ITGB5: variants seen among roughly 807,000 people sequenced by gnomAD.
ITGB5 encodes integrin beta-5.
ITGB5 carries 38 observed loss-of-function variants against 84.8 expected under a neutral mutation model. The observed-to-expected ratio is 0.45, with a 90% CI of 0.35 to 0.59. The LOEUF is 0.59. ITGB5 is among the 20% of genes least tolerant of loss of function. ITGB5 has a pLI of 0.01. For synonymous variants in ITGB5, 393 were observed against 414.4 expected, an observed-to-expected ratio of 0.95 and a Z score of 0.63; for missense variants, 905 against 1,034.5, an observed-to-expected ratio of 0.87 and a Z score of 1.72.
At chr3:124,785,151 C>T (rs1310274019) in intron 10 of ITGB5, among the ~76,000 whole-genome samples, 2 of 152,166 alleles carry the variant, frequency 1.3e-5, no homozygotes, top group Non-Finnish European at 2.9e-5. Flanking sequence ...GGGAGTGTGG[C>T]CTACATGCCA....
intron 1 of ITGB5, among the ~76,000 whole-genome samples, chr3:124,879,474 A>G (rs965019601): frequency 4.6e-5 from 7 of 152,254 alleles, no homozygotes; most frequent in African/African-American, 1.2e-4. Context: ...TATAGACTCC[A>G]GCAACTAAAT....
At chr3:124,868,618 CAAAAAAAAA>C (rs67873873) in intron 2 of ITGB5, among the ~76,000 whole-genome samples, 2 of 68,146 alleles carry the variant, frequency 2.9e-5, no homozygotes, top group African/African-American at 1.2e-4. Flanking sequence ...TGTTCTCTAC[CAAAAAAAAA>C]AAAAAAAAAA....
chr3:124,844,385 C>T (rs906455490), intron 4 of ITGB5, among the ~76,000 whole-genome samples: 14 of 151,984 alleles, frequency 9.2e-5, no homozygotes, highest in Non-Finnish European at 1.8e-4. Flanking sequence ...CGTGGTGAAA[C>T]GCCATCTCTA....
At chr3:124,836,919 A>C (rs1324845280) in intron 5 of ITGB5, among the ~76,000 whole-genome samples, 1 of 152,264 alleles carries the variant, frequency 6.6e-6, no homozygotes, top group African/African-American at 2.4e-5. Context: ...GCAAAATTAA[A>C]AGAATCAGGA....
chr3:124,809,107 A>C lies in ITGB5; in HGVS notation c.1178T>G (p.Leu393Arg). The change falls in exon 9 of 15, where the codon CTT becomes CGT. Residue 393 changes from leucine to arginine, a missense_variant. Physicochemically the swap from Leu to Arg is moderately radical, Grantham distance 102 (BLOSUM62 -2). Around this residue, in one of 3 missense-constraint regions of ITGB5, gnomAD observed 656 missense variants for 734.7 expected, o/e 0.89. Transcript: ENST00000296181. The part of the protein sequence containing the change: ...ELSVWDQPED[L>R]NLFFTATCQD... The stretch of plus-strand genomic sequence containing the variant: ...GCAGGTAGCAGTAAAGAAGAGATTA[A>C]GATCCTCAGGCTGATCCCAGACTGA... 1 of 1,614,118 alleles carries C rather than the reference A, an allele frequency of 6.2e-7. No homozygotes were observed. The highest frequency in any genetic ancestry group is 8.5e-7 in the Non-Finnish European group (1 of 1,179,970).
chr3:124,881,422 C>A (rs1009318150), intron 1 of ITGB5, among the ~76,000 whole-genome samples: 2 of 152,162 alleles, frequency 1.3e-5, no homozygotes, highest in Admixed American at 1.3e-4. Flanking sequence ...GCAGGTGAGA[C>A]AGACCAGCTG....
At chr3:124,853,639 T>G (rs1373819399) in intron 3 of ITGB5, among the ~76,000 whole-genome samples, 1 of 152,050 alleles carries the variant, frequency 6.6e-6, no homozygotes, top group Admixed American at 6.5e-5. Context: ...TAAAAACTGG[T>G]TCTTCCAAGT....
At chr3:124,781,350 C>T (rs1170376632) in intron 10 of ITGB5, 1 of 152,418 alleles carries the variant, frequency 6.6e-6, no homozygotes, top group Non-Finnish European at 1.5e-5. Context: ...GTAACAGACC[C>T]CTTGTCCTCC....
Position 124,821,304 on chromosome 3 carries a change from G to A in ITGB5, c.942+9C>T, listed in dbSNP as rs372338605. ...AACAGGGAGGGGGGATCTGGTTCCC[G>A]GCACTCACCATCTGGTTGGATGCAG... On this transcript the variant is annotated intron_variant, in intron 6 of 14. Transcript: ENST00000296181. 6.0e-5 allele frequency: 96 copies of A among 1,608,384 alleles called. 1 individual carries two copies. Among genetic ancestry groups the A allele is most frequent in the Admixed American group, 1.0e-4 (6 of 59,104 alleles).
intron 7 of ITGB5, among the ~76,000 whole-genome samples, chr3:124,819,387 G>C (rs1247269336): frequency 6.6e-6 from 1 of 152,156 alleles, no homozygotes; most frequent in Non-Finnish European, 1.5e-5. Context: ...TAGTGACGTA[G>C]CCTGATGAGA....
chr3:124,878,936 G>A (rs919940577), intron 1 of ITGB5, among the ~76,000 whole-genome samples: 1 of 152,192 alleles, frequency 6.6e-6, no homozygotes, highest in African/African-American at 2.4e-5. Context: ...TTTGCATAGT[G>A]ACTATTCCCA....
intron 10 of ITGB5, among the ~76,000 whole-genome samples, chr3:124,794,002 C>T (rs1028771216): frequency 2.6e-5 from 4 of 152,366 alleles, no homozygotes; most frequent in African/African-American, 7.2e-5. Flanking sequence ...AGTACAATTC[C>T]TCCTCCCATA....
In ITGB5 at chr3:124,817,860, G is replaced by A. The variant is rs549290521; in HGVS notation, c.1039-150C>T. On this transcript the variant is annotated intron_variant, in intron 7 of 14. Coordinates refer to ENST00000296181, the MANE Select transcript of ITGB5 (RefSeq NM_002213.5). The stretch of plus-strand genomic sequence containing the variant: ...CCATGAACTAAAGAAGATCCCACAG[G>A]GAAAAGCAAGAAGAAATGGCACAGA... The A allele has an allele frequency of 1.7e-3, 984 of 588,440 alleles. 22 individuals are homozygous for A. The South Asian group carries it at 0.019, about 12-fold the overall frequency. The allele number at this position is 588,440 out of a possible 1,614,324, so 36.5% of individuals were successfully genotyped here. A position where few individuals can be genotyped will look rare whatever the true frequency, so the allele number is the denominator to read the frequency against.
chr3:124,830,872 T>TG (rs2064850305), intron 5 of ITGB5, among the ~76,000 whole-genome samples: 1 of 152,080 alleles, frequency 6.6e-6, no homozygotes, highest in Non-Finnish European at 1.5e-5. Flanking sequence ...TAATCCTAGC[T>TG]ACTTGGGAGG....
intron 4 of ITGB5, 144 bp from the exon 5 acceptor site, chr3:124,841,695 G>C: frequency 1.4e-6 from 1 of 716,146 alleles, no homozygotes; most frequent in South Asian, 1.9e-5. Flanking sequence ...AGGCACAGCA[G>C]AGAGAGCAAA....
intron 10 of ITGB5, chr3:124,791,444 A>G (rs1414990605): frequency 6.6e-6 from 1 of 152,210 alleles, no homozygotes; most frequent in East Asian, 1.9e-4. Flanking sequence ...TGGATAACAT[A>G]TTGCAAACCT....
chr3:124,801,141 G>A (rs999430835), intron 9 of ITGB5, among the ~76,000 whole-genome samples: 1 of 152,220 alleles, frequency 6.6e-6, no homozygotes, highest in African/African-American at 2.4e-5. Flanking sequence ...GTGGACGGGA[G>A]CGGGGAGGGG....
intron 3 of ITGB5, among the ~76,000 whole-genome samples, chr3:124,851,937 G>A (rs770960459): frequency 1.6e-4 from 25 of 152,236 alleles, no homozygotes; most frequent in Non-Finnish European, 2.6e-4. Flanking sequence ...GGCCTCTAAC[G>A]TTAACAGCCT....
In ITGB5 at chr3:124,763,536, GC is replaced by G; in HGVS notation, c.*86del. On this transcript the variant is annotated 3_prime_UTR_variant, in exon 15 of 15. Coordinates refer to ENST00000296181, the MANE Select transcript of ITGB5 (RefSeq NM_002213.5). ...CTTCTCTGTGGTGCCTACCTAGGGAGCTGTGATCAAGCCGAGCAGCCGTGCA... is the reference window on the plus strand; with the variant it reads ...CTTCTCTGTGGTGCCTACCTAGGGAGTGTGATCAAGCCGAGCAGCCGTGCA... The G allele has an allele frequency of 1.3e-6, 1 of 766,198 alleles. No homozygotes were observed. The highest frequency in any genetic ancestry group is 1.6e-5 in the South Asian group (1 of 63,128). The allele number at this position is 766,198 out of a possible 1,614,324, so 47.5% of individuals were successfully genotyped here. A position where few individuals can be genotyped will look rare whatever the true frequency, so the allele number is the denominator to read the frequency against.
Sources: allele counts gnomAD v4.1 joint callset (sites outside exome capture counted in the v4.1 genomes callset), GRCh38; gene constraint gnomAD v4.1.1; regional missense constraint gnomAD v4.1.1; transcripts MANE v1.5; gene names NCBI Gene and HGNC (gene_info 2026-07-23, HGNC 2026-07-21).